The following PIWIL3 variants were observed in gnomAD, a reference collection of about 807,000 sequenced individuals.
PIWIL3 encodes piwi-like protein 3.
A neutral mutation model predicts 109.7 loss-of-function variants in PIWIL3; 101 were observed. That is an observed-to-expected ratio of 0.92 (90% CI 0.78 to 1.09). PIWIL3 has a LOEUF of 1.09. PIWIL3 is among the 50% of genes least tolerant of loss of function. The pLI, the probability that PIWIL3 is intolerant of heterozygous loss-of-function variation, is 0.00. For synonymous variants in PIWIL3, 373 were observed against 376.4 expected (o/e 0.99, Z 0.10); for missense variants, 1,031 against 1,072.6 (o/e 0.96, Z 0.54).
At chr22:24,739,693 G>A (rs964413253) in intron 12 of PIWIL3, among the ~76,000 whole-genome samples, 1 of 152,060 alleles carries the variant, frequency 6.6e-6, no homozygotes, top group South Asian at 2.1e-4. Context: ...GCTAAAAGGG[G>A]TACTTCAATC....
chr22:24,764,985 T>G (rs1279126702), intron 1 of PIWIL3, among the ~76,000 whole-genome samples: 1 of 152,098 alleles, frequency 6.6e-6, no homozygotes, highest in Non-Finnish European at 1.5e-5. Flanking sequence ...CCAACATCTT[T>G]GAGAAAAGAT....
intron 10 of PIWIL3, 52 bp downstream of exon 10, chr22:24,749,641 G>A (rs894749406): frequency 1.9e-5 from 31 of 1,613,184 alleles, no homozygotes; most frequent in African/African-American, 1.9e-4. Flanking sequence ...AAAAGCCTGC[G>A]TTAAGTCGTA....
chr22:24,719,391 A>C lies in PIWIL3; in HGVS notation c.*81T>G. 8.9e-7 allele frequency: 1 copy of C among 1,125,864 alleles called. No homozygotes were observed. The highest frequency in any genetic ancestry group is 1.3e-6 in the Non-Finnish European group (1 of 787,710). 69.7% of individuals were successfully genotyped at this position (1,125,864 alleles called of 1,614,324 possible). A position where few individuals can be genotyped will look rare whatever the true frequency, so the allele number is the denominator to read the frequency against. ...AATTTAATGCTATGGACCTAGGAAA[A>C]TATTTCAGACATCCTGCTTCAAAAG... On this transcript the variant is annotated 3_prime_UTR_variant, in exon 21 of 21. Coordinates refer to ENST00000616349, the MANE Select transcript of PIWIL3 (RefSeq NM_001255975.1).
rs73152592 is a variant in PIWIL3 at position 24,749,232 on chromosome 22, C to T, written c.1334+172G>A. ...GCCTTTTGATTTCATTCTTCCCCCC[C>T]GGCCTCCTAATCTTGCAATGACAGA... On this transcript the variant is annotated intron_variant, in intron 11 of 20. Transcript: ENST00000616349. Among the ~76,000 whole-genome samples the T allele has an allele frequency of 9.5e-3, 1,445 of 152,204 alleles. 17 individuals are homozygous for T. Among genetic ancestry groups the T allele is most frequent in the Middle Eastern group, 0.017 (5 of 294 alleles).
chr22:24,723,566 G>C (rs965221547), intron 18 of PIWIL3, among the ~76,000 whole-genome samples: 1 of 152,188 alleles, frequency 6.6e-6, no homozygotes, highest in Admixed American at 6.5e-5. Flanking sequence ...TATAGGTTTT[G>C]TAAGTCTTAG....
chr22:24,768,563 T>C (rs1363075236), intron 1 of PIWIL3, among the ~76,000 whole-genome samples: 1 of 152,200 alleles, frequency 6.6e-6, no homozygotes, highest in Non-Finnish European at 1.5e-5. Context: ...GTTTTCCCTT[T>C]TTCATTCTGC....
Position 24,755,924 on chromosome 22 carries a change from A to AC in PIWIL3, c.571-20_571-19insG, listed in dbSNP as rs371508648. 1.4e-3 allele frequency: 1,662 copies of AC among 1,201,522 alleles called. No homozygotes were observed. The highest frequency in any genetic ancestry group is 5.2e-3 in the Middle Eastern group (23 of 4,456). The allele number at this position is 1,201,522 out of a possible 1,614,324, so 74.4% of individuals were successfully genotyped here. A position where few individuals can be genotyped will look rare whatever the true frequency, so the allele number is the denominator to read the frequency against. ...CCACTCTCTGAGATTAAAAAAAAAC[A>AC]AAAAAAAAAGTCCAGATATTCTTCC... On this transcript the variant is annotated intron_variant, in intron 5 of 20. Transcript: ENST00000616349.
chr22:24,756,730 TAAAG>T (rs1430671035), intron 4 of PIWIL3, 25 bp from the exon 5 acceptor site: 3 of 1,577,320 alleles, frequency 1.9e-6, no homozygotes, highest in Non-Finnish European at 2.6e-6. Flanking sequence ...CACATGACAA[TAAAG>T]AAACAGACTG....
intron 19 of PIWIL3, among the ~76,000 whole-genome samples, chr22:24,721,825 A>G (rs1922691180): frequency 6.6e-6 from 1 of 152,154 alleles, no homozygotes; most frequent in African/African-American, 2.4e-5. Flanking sequence ...TGGAAGTTGT[A>G]TCTAATCTTA....
intron 12 of PIWIL3, among the ~76,000 whole-genome samples, chr22:24,748,562 A>G (rs1924509010): frequency 6.6e-6 from 1 of 152,222 alleles, no homozygotes; most frequent in African/African-American, 2.4e-5. Context: ...ATGTACCCAC[A>G]AAAACTAAAG....
chr22:24,735,144 C>T (rs941752526), intron 13 of PIWIL3, among the ~76,000 whole-genome samples: 3 of 152,150 alleles, frequency 2.0e-5, no homozygotes, highest in African/African-American at 7.2e-5. Flanking sequence ...GCACAGAAGA[C>T]TTTTAGGGCA....
Position 24,719,535 on chromosome 22 carries a change from G to A in PIWIL3, c.2559C>T (p.Leu853=), listed in dbSNP as rs572165856. The change falls in exon 21 of 21, where the codon CTC becomes CTT. Residue 853 remains leucine, a synonymous_variant. Coordinates refer to ENST00000616349, the MANE Select transcript of PIWIL3 (RefSeq NM_001255975.1). ...GTTCCTGGTGAATGGACTGCCCCAC[G>A]AGGTAAGCCAGCTTGTGGGCATAGT... ...PCHYAHKLAY[L]VGQSIHQEPN... is the part of the protein sequence containing the mutation. 3.4e-5 allele frequency: 54 copies of A among 1,607,872 alleles called. No individual in the cohort carries two copies. The African/African-American group carries it at 3.9e-4, about 12-fold the overall frequency.
chr22:24,725,088 C>A (rs775934205), intron 17 of PIWIL3, 51 bp from the exon 18 acceptor site: 2 of 1,598,306 alleles, frequency 1.3e-6, no homozygotes, highest in Non-Finnish European at 1.7e-6. Context: ...AACAAACTAG[C>A]CTTTGCTGCT....
At chr22:24,746,510 T>C (rs958733510) in intron 12 of PIWIL3, among the ~76,000 whole-genome samples, 7 of 152,024 alleles carry the variant, frequency 4.6e-5, no homozygotes, top group East Asian at 1.9e-4. Context: ...ACAACAAGGA[T>C]GCTCCCTGTC....
intron 12 of PIWIL3, among the ~76,000 whole-genome samples, chr22:24,746,903 A>G (rs546101219): frequency 1.8e-4 from 28 of 152,216 alleles, no homozygotes; most frequent in African/African-American, 5.1e-4. Context: ...GAATCGATAC[A>G]TTAAAATGTC....
chr22:24,738,538 G>A (rs560901093), intron 12 of PIWIL3, among the ~76,000 whole-genome samples: 5 of 152,310 alleles, frequency 3.3e-5, no homozygotes, highest in Admixed American at 6.5e-5. Flanking sequence ...AGCTCCAGGC[G>A]GTTCAGCACA....
At chr22:24,738,156 GAAAGAA>G (rs869246587) in intron 12 of PIWIL3, among the ~76,000 whole-genome samples, 2 of 151,986 alleles carry the variant, frequency 1.3e-5, no homozygotes, top group African/African-American at 4.8e-5. Context: ...CTCAAAAAAA[GAAAGAA>G]AAAGAAAAAG....
chr22:24,753,484 G>A (rs1201428160), intron 8 of PIWIL3, among the ~76,000 whole-genome samples: 1 of 152,144 alleles, frequency 6.6e-6, no homozygotes. Context: ...ATTGGTCTCT[G>A]TCTGTCTTTA....
chr22:24,731,559 G>A (rs537046510), intron 14 of PIWIL3, among the ~76,000 whole-genome samples: 2 of 151,930 alleles, frequency 1.3e-5, no homozygotes, highest in Admixed American at 6.5e-5. Context: ...GCTGAGGCAG[G>A]AGAATGGCAT....
Sources: gnomAD v4.1 joint callset for allele counts (sites outside exome capture counted in the v4.1 genomes callset) on GRCh38, gnomAD v4.1.1 for gene constraint, MANE v1.5 for transcripts, NCBI Gene and HGNC (gene_info 2026-07-23, HGNC 2026-07-21) for gene names.